The following SET variants were observed in gnomAD, a reference collection of about 807,000 sequenced individuals.
SET encodes the protein protein SET.
Under a neutral mutation model 39.0 loss-of-function variants are expected in SET, and 4 were observed. The ratio of observed to expected loss-of-function variants is 0.10; its 90% confidence interval spans 0.05 to 0.23. The LOEUF (loss-of-function observed/expected upper bound fraction) is 0.23, where lower values mean the gene tolerates loss of function less well. Ranked by LOEUF, SET falls within the 10% of genes least tolerant of loss-of-function variation. The pLI is 1.00. For synonymous variants in SET, 114 were observed against 115.9 expected (o/e 0.98, Z 0.11); for missense variants, 137 against 329.7 (o/e 0.42, Z 4.53).
intron 6 of SET, 27 bp downstream of exon 6, chr9:128,693,835 G>A (rs745644219): frequency 1.2e-6 from 2 of 1,608,450 alleles, no homozygotes; most frequent in Non-Finnish European, 1.7e-6. Flanking sequence ...ATTTATTCAA[G>A]GTTGGACTTG....
intron 1 of SET, chr9:128,690,867 T>TA: frequency 2.6e-6 from 1 of 389,792 alleles, no homozygotes; most frequent in Non-Finnish European, 4.7e-6. Flanking sequence ...GACTTCTGAA[T>TA]AAGGTTATTC....
upstream of SET, among the ~76,000 whole-genome samples, chr9:128,687,950 C>T (rs1861345215): frequency 6.6e-6 from 1 of 152,172 alleles, no homozygotes; most frequent in Non-Finnish European, 1.5e-5. Context: ...GGCGCAGTGG[C>T]TCCCGCCTGT....
At position 128,691,091 on chromosome 9, in the gene SET, T is replaced by A. The variant is rs555013421; in HGVS notation, c.74-79T>A. On this transcript the variant is annotated intron_variant, in intron 1 of 7. Transcript: ENST00000322030. ...CGTTTTTGTTTTTGTTTTAATGGCT[T>A]TTGGAATATTATAGTATTAACATCT... The A allele has an allele frequency of 1.8e-5, 20 of 1,142,136 alleles. No homozygotes were observed. The East Asian group carries it at 4.7e-4, about 27-fold the overall frequency. The allele number at this position is 1,142,136 out of a possible 1,614,324, so 70.8% of individuals were successfully genotyped here. A position where few individuals can be genotyped will look rare whatever the true frequency, so the allele number is the denominator to read the frequency against.
chr9:128,689,203 G>C, upstream of SET: 1 of 968,180 alleles, frequency 1.0e-6, no homozygotes, highest in African/African-American at 1.8e-5. Flanking sequence ...GGCCTGGCGC[G>C]CCTGCGCCCT....
chr9:128,696,256 T>G lies in SET; in HGVS notation c.*1592T>G, dbSNP rs1223314844. On this transcript the variant is annotated 3_prime_UTR_variant, in exon 8 of 8. Coordinates refer to ENST00000322030, the MANE Select transcript of SET (RefSeq NM_003011.4). ...GTATAAAACTTGATAAATGGAACTA[T>G]TCCATCAATAGGCAAAAGTGTAACA... 9.9e-6 allele frequency: 2 copies of G among 201,024 alleles called. No individual in the cohort carries two copies. The highest frequency in any genetic ancestry group is 2.1e-5 in the Non-Finnish European group (2 of 96,314). 12.5% of individuals were successfully genotyped at this position (201,024 alleles called of 1,614,324 possible).
At chr9:128,686,331 T>C (rs566389599), upstream of SET, among the ~76,000 whole-genome samples, 3 of 151,748 alleles carry the variant, frequency 2.0e-5, no homozygotes, top group Non-Finnish European at 4.4e-5. Flanking sequence ...GCAGGGAGGG[T>C]TGGGAGGCCA....
intron 1 of SET, chr9:128,689,875 G>C (rs1341206763): frequency 1.1e-5 from 2 of 178,556 alleles, no homozygotes; most frequent in East Asian, 3.9e-4. Context: ...CGAGGCGGGG[G>C]CGCTGCGGCC....
At chr9:128,690,034 C>G in intron 1 of SET, 1 of 1,024,244 alleles carries the variant, frequency 9.8e-7, no homozygotes. Flanking sequence ...ATGGTGCGGC[C>G]GGACGCGGCC....
Position 128,693,924 on chromosome 9 carries a change from A to AAGG in SET, c.695_697dup (p.Gly232dup). The AAGG allele has an allele frequency of 6.3e-7, 1 of 1,584,976 alleles. No individual in the cohort carries two copies. The highest frequency in any genetic ancestry group is 8.7e-7 in the Non-Finnish European group (1 of 1,155,974). On this transcript the variant is annotated inframe_insertion, in exon 7 of 8. Coordinates refer to ENST00000322030, the MANE Select transcript of SET (RefSeq NM_003011.4). ...CCCGATATGGATGATGAAGAAGGAG[A>AAGG]AGGAGAAGAAGATGATGATGATGAT...
upstream of SET, among the ~76,000 whole-genome samples, chr9:128,687,867 G>A (rs528099242): frequency 1.8e-4 from 28 of 152,298 alleles, no homozygotes; most frequent in East Asian, 1.2e-3. Flanking sequence ...TGGGATAACA[G>A]GAGTGAGCTA....
chr9:128,695,795 T>C lies in SET; in HGVS notation c.*1131T>C, dbSNP rs1278823448. 1 of 224,754 alleles carries C rather than the reference T, an allele frequency of 4.4e-6. No individual in the cohort carries two copies. Among genetic ancestry groups the C allele is most frequent in the Non-Finnish European group, 8.8e-6 (1 of 113,774 alleles). The allele number at this position is 224,754 out of a possible 1,614,324, so 13.9% of individuals were successfully genotyped here. ...TTTGGGATACCAGATAGCTCAATACTCTCTGAGTACATTGTGCCCTTGATT... is the reference window on the plus strand; with the variant it reads ...TTTGGGATACCAGATAGCTCAATACCCTCTGAGTACATTGTGCCCTTGATT... On this transcript the variant is annotated 3_prime_UTR_variant, in exon 8 of 8. Transcript: ENST00000322030.
chr9:128,694,166 C>T, intron 7 of SET, 124 bp downstream of exon 7: 1 of 903,138 alleles, frequency 1.1e-6, no homozygotes, highest in Non-Finnish European at 1.6e-6. Flanking sequence ...AAAAAGTAAG[C>T]CATTTTGTTG....
chr9:128,690,049 G>T, intron 1 of SET: 1 of 978,026 alleles, frequency 1.0e-6, no homozygotes, highest in South Asian at 4.1e-5. Flanking sequence ...GCGGCCCCGC[G>T]CCCGACCTCC....
intron 7 of SET, 117 bp from the exon 8 acceptor site, chr9:128,694,524 A>G (rs1861659817): frequency 4.9e-6 from 3 of 613,710 alleles, no homozygotes. Context: ...GATGCAGCTG[A>G]CTTACAGGTT....
intron 7 of SET, among the ~76,000 whole-genome samples, chr9:128,694,258 T>G (rs1321014792): frequency 6.6e-6 from 1 of 152,100 alleles, no homozygotes; most frequent in Non-Finnish European, 1.5e-5. Flanking sequence ...TGGGTTTTTT[T>G]GGTTAGACTT....
At chr9:128,693,092 A>T in intron 5 of SET, 111 bp downstream of exon 5, 1 of 721,362 alleles carries the variant, frequency 1.4e-6, no homozygotes, top group South Asian at 1.8e-5. Context: ...ACAAAACCTT[A>T]AAATATAAAA....
In SET at chr9:128,689,393, C is replaced by G. The variant is rs966277924; in HGVS notation, c.-190C>G. On this transcript the variant is annotated 5_prime_UTR_variant, in exon 1 of 8. Transcript: ENST00000322030. ...CCCGGCACGCCGCCCCAGCCCGTCC[C>G]TCGGCGTCAGGCCGCGAGGGTAGCG... is the stretch of plus-strand genomic sequence containing the variant. 24 of 947,060 alleles carry G rather than the reference C, an allele frequency of 2.5e-5. No individual in the cohort carries two copies. In the African/African-American group the frequency reaches 3.9e-4, roughly 15 times the overall value. The allele number at this position is 947,060 out of a possible 1,614,324, so 58.7% of individuals were successfully genotyped here.
chr9:128,686,285 T>A (rs549945378), upstream of SET, among the ~76,000 whole-genome samples: 20 of 151,922 alleles, frequency 1.3e-4, no homozygotes, highest in African/African-American at 4.6e-4. Context: ...AGAAGCACTG[T>A]GTGGGGAAGG....
Position 128,692,860 on chromosome 9 carries a change from TATTA to T in SET, c.379-7_379-4del. On this transcript the variant is annotated splice_polypyrimidine_tract_variant and splice_region_variant and intron_variant, in intron 4 of 7. Transcript: ENST00000322030. ...TCATATTTCTAATCTTTCAATTATT[TATTA>T]CAGTATTTTGATGAAAATCCTTACT... is the stretch of plus-strand genomic sequence containing the variant. 1 of 1,537,174 alleles carries T rather than the reference TATTA, an allele frequency of 6.5e-7. No homozygotes were observed. The highest frequency in any genetic ancestry group is 9.0e-7 in the Non-Finnish European group (1 of 1,112,564).
Sources: gnomAD v4.1 joint callset for allele counts (sites outside exome capture counted in the v4.1 genomes callset) on GRCh38, gnomAD v4.1.1 for gene constraint, MANE v1.5 for transcripts, NCBI Gene and HGNC (gene_info 2026-07-23, HGNC 2026-07-21) for gene names.